SCMH1: variants seen among roughly 807,000 people sequenced by gnomAD.
SCMH1 encodes polycomb protein SCMH1.
SCMH1 carries 37 observed loss-of-function variants against 70.8 expected under a neutral mutation model. The ratio of observed to expected loss-of-function variants is 0.52; its 90% CI spans 0.40 to 0.69. The LOEUF is 0.69. Among genes scored for constraint, SCMH1 ranks in the 30% least tolerant of loss-of-function variants. The pLI is 0.00. For synonymous variants in SCMH1, 292 were observed against 307.4 expected (o/e 0.95, Z 0.52); for missense variants, 607 against 827.3 (o/e 0.73, Z 3.27).
At position 41,052,827 on chromosome 1, in the gene SCMH1, G is replaced by C. The variant is rs566370897; in HGVS notation, c.1106-3937C>G. On this transcript the variant is annotated intron_variant, in intron 10 of 14. Coordinates refer to ENST00000337495, the Ensembl canonical transcript of SCMH1. ...GGAAGTGGAGACCAACTGTAAGGAG[G>C]CATAAGGGAACTTCGGGGGTGGCAG... Among the ~76,000 whole-genome samples, 4 of 151,974 alleles carry C rather than the reference G, an allele frequency of 2.6e-5. No individual in the cohort carries two copies. In the East Asian group the frequency reaches 7.7e-4, roughly 29 times the overall value.
chr1:41,136,238 G>A (rs1643295645), intron 6 of SCMH1, among the ~76,000 whole-genome samples: 1 of 152,094 alleles, frequency 6.6e-6, no homozygotes, highest in African/African-American at 2.4e-5. Context: ...GAGCCACCAT[G>A]CCTGGCCATG....
chr1:41,120,812 T>C (rs2147950461), intron 6 of SCMH1, among the ~76,000 whole-genome samples: 2 of 152,322 alleles, frequency 1.3e-5, no homozygotes, highest in South Asian at 4.1e-4. Context: ...AAGCCAATCT[T>C]ACACTGTCAG....
At chr1:41,155,072 T>G (rs900585304) in intron 4 of SCMH1, among the ~76,000 whole-genome samples, 3 of 152,200 alleles carry the variant, frequency 2.0e-5, no homozygotes, top group Non-Finnish European at 4.4e-5. Flanking sequence ...TCAGAGGAAA[T>G]GTCTAAGCTA....
At chr1:41,130,835 T>C (rs1291880867) in intron 6 of SCMH1, among the ~76,000 whole-genome samples, 1 of 152,196 alleles carries the variant, frequency 6.6e-6, no homozygotes, top group Non-Finnish European at 1.5e-5. Context: ...ACAAATCTAC[T>C]TTCTGCTTAC....
chr1:41,147,234 C>A (rs1051120805), intron 5 of SCMH1, among the ~76,000 whole-genome samples: 2 of 152,156 alleles, frequency 1.3e-5, no homozygotes, highest in Non-Finnish European at 2.9e-5. Context: ...AATCTTTCGA[C>A]CCAGATCCCT....
Position 41,227,643 on chromosome 1 carries a change from T to C in SCMH1, c.-118+14416A>G, listed in dbSNP as rs577776727. ...CATGGGTGCAACTAGCTGGGGCCTA[T>C]GTCACAAGTGGTAAAGAAATTTACC... On this transcript the variant is annotated intron_variant, in intron 1 of 14. Transcript: ENST00000337495. 1.6e-3 allele frequency among the ~76,000 whole-genome samples: 249 copies of C among 152,252 alleles called. 1 individual carries two copies. Among genetic ancestry groups the C allele is most frequent in the African/African-American group, 5.7e-3 (236 of 41,538 alleles).
At chr1:41,145,638 T>C (rs1644482895) in intron 5 of SCMH1, among the ~76,000 whole-genome samples, 1 of 152,178 alleles carries the variant, frequency 6.6e-6, no homozygotes, top group Non-Finnish European at 1.5e-5. Flanking sequence ...TACAGATCAA[T>C]TTGGAAAATA....
intron 2 of SCMH1, 41 bp downstream of exon 2, chr1:41,186,080 T>G: frequency 6.5e-7 from 1 of 1,545,678 alleles, no homozygotes; most frequent in Non-Finnish European, 8.7e-7. Context: ...CTAGGTCTCT[T>G]AATCCCTCTT....
chr1:41,120,506 C>A (rs973362814), intron 6 of SCMH1, among the ~76,000 whole-genome samples: 1 of 152,058 alleles, frequency 6.6e-6, no homozygotes, highest in Non-Finnish European at 1.5e-5. Flanking sequence ...CTTTGTGGTT[C>A]TTTACTATGT....
At chr1:41,171,720 T>C (rs929114566) in intron 2 of SCMH1, among the ~76,000 whole-genome samples, 4 of 152,038 alleles carry the variant, frequency 2.6e-5, no homozygotes, top group Non-Finnish European at 5.9e-5. Context: ...GGAATAAAAA[T>C]AGAAACCAAT....
chr1:41,179,566 T>C (rs1383559269), intron 2 of SCMH1, among the ~76,000 whole-genome samples: 3 of 152,108 alleles, frequency 2.0e-5, no homozygotes, highest in Non-Finnish European at 4.4e-5. Context: ...CAAACTACCA[T>C]CAGAGAATAC....
intron 1 of SCMH1, among the ~76,000 whole-genome samples, chr1:41,233,687 C>T (rs1022722918): frequency 1.3e-5 from 2 of 152,150 alleles, no homozygotes; most frequent in African/African-American, 4.8e-5. Context: ...AAAAAAATAT[C>T]CAATGATCTT....
At chr1:41,144,137 G>A (rs375842252) in intron 5 of SCMH1, among the ~76,000 whole-genome samples, 12 of 152,176 alleles carry the variant, frequency 7.9e-5, no homozygotes, top group South Asian at 2.1e-4. Flanking sequence ...CCCTTTTAAG[G>A]TATACAATTC....
intron 8 of SCMH1, chr1:41,098,923 C>T (rs949400475): frequency 3.6e-5 from 9 of 253,432 alleles, no homozygotes; most frequent in Non-Finnish European, 6.9e-5. Context: ...CCCTCCTGAC[C>T]ACTGGGTCAG....
chr1:41,170,110 C>T (rs1014393889), intron 2 of SCMH1, among the ~76,000 whole-genome samples: 6 of 152,186 alleles, frequency 3.9e-5, no homozygotes, highest in Non-Finnish European at 8.8e-5. Flanking sequence ...TGTATTGCTC[C>T]TGGGGGATGA....
chr1:41,121,714 A>G (rs1671995743), intron 6 of SCMH1, among the ~76,000 whole-genome samples: 1 of 152,192 alleles, frequency 6.6e-6, no homozygotes, highest in African/African-American at 2.4e-5. Flanking sequence ...ACCTCAGTCT[A>G]TAACTCTACT....
intron 2 of SCMH1, among the ~76,000 whole-genome samples, chr1:41,163,277 G>T (rs1646188436): frequency 1.3e-5 from 2 of 152,142 alleles, no homozygotes; most frequent in Non-Finnish European, 2.9e-5. Context: ...GTGTCTGACT[G>T]CGCAGTAGAT....
intron 10 of SCMH1, among the ~76,000 whole-genome samples, chr1:41,055,168 G>GA (rs1488187762): frequency 1.3e-5 from 2 of 152,006 alleles, no homozygotes; most frequent in African/African-American, 2.4e-5. Flanking sequence ...GTACAAAATG[G>GA]AAAAAATCCT....
At chr1:41,154,797 A>G (rs1426841171) in intron 4 of SCMH1, among the ~76,000 whole-genome samples, 1 of 152,216 alleles carries the variant, frequency 6.6e-6, no homozygotes, top group Non-Finnish European at 1.5e-5. Context: ...CAATTATTCC[A>G]ACATTATAAT....
Sources: gnomAD v4.1 joint callset for allele counts (sites outside exome capture counted in the v4.1 genomes callset) on GRCh38, gnomAD v4.1.1 for gene constraint, MANE v1.5 for transcripts, NCBI Gene and HGNC (gene_info 2026-07-23, HGNC 2026-07-21) for gene names.